The following ANKFN1 variants were observed in gnomAD, a reference collection of about 807,000 sequenced individuals.
ANKFN1 encodes ankyrin repeat and fibronectin type III domain containing 1.
Under a neutral mutation model 108.7 loss-of-function variants are expected in ANKFN1, and 74 were observed. The ratio of observed to expected loss-of-function variants is 0.68; its 90% confidence interval spans 0.56 to 0.83. The LOEUF (loss-of-function observed/expected upper bound fraction) is 0.83, where lower values mean the gene tolerates loss of function less well. ANKFN1 is among the 40% of genes least tolerant of loss of function. The pLI is 0.00. For synonymous variants in ANKFN1, 547 were observed against 516.2 expected, an observed-to-expected ratio of 1.06 and a Z score of -0.81; for missense variants, 1,505 against 1,382.3, an observed-to-expected ratio of 1.09 and a Z score of -1.41.
At chr17:56,376,864 A>T (rs1424811468) in intron 8 of ANKFN1, among the ~76,000 whole-genome samples, 1 of 152,180 alleles carries the variant, frequency 6.6e-6, no homozygotes, top group African/African-American at 2.4e-5. Context: ...TGAGTCCTTA[A>T]CCTGACCGTT....
At chr17:56,454,775 G>T (rs964706033) in intron 11 of ANKFN1, among the ~76,000 whole-genome samples, 8 of 152,180 alleles carry the variant, frequency 5.3e-5, no homozygotes, top group African/African-American at 1.7e-4. Flanking sequence ...ATGTATAAAA[G>T]CTTATGCACA....
chr17:56,068,602 A>T (rs373198113), intron 4 of ANKFN1, among the ~76,000 whole-genome samples: 3 of 152,340 alleles, frequency 2.0e-5, no homozygotes, highest in African/African-American at 7.2e-5. Context: ...TTTAGAGGGC[A>T]AGCAGAAACT....
At chr17:56,468,556 G>A (rs1295492370) in intron 15 of ANKFN1, among the ~76,000 whole-genome samples, 1 of 152,072 alleles carries the variant, frequency 6.6e-6, no homozygotes, top group East Asian at 1.9e-4. Flanking sequence ...CAGAGAGAAG[G>A]AAGGACCCAG....
rs9901542 is a variant in ANKFN1 at position 56,436,430 on chromosome 17, A to G, written c.911-3897A>G. The stretch of plus-strand genomic sequence containing the variant: ...CATTACAAGTTTTGTATAGTTTTAG[A>G]ACCGGCTTATACGTGATTTTCTCAG... On this transcript the variant is annotated intron_variant, in intron 8 of 20. Coordinates refer to ENST00000682825, the MANE Select transcript of ANKFN1 (RefSeq NM_001370326.1). Among the ~76,000 whole-genome samples, 322 of 152,334 alleles carry G rather than the reference A, an allele frequency of 2.1e-3. 1 individual carries two copies. Among genetic ancestry groups the G allele is most frequent in the African/African-American group, 7.4e-3 (307 of 41,590 alleles).
chr17:56,327,197 G>A (rs1175202265), intron 4 of ANKFN1, among the ~76,000 whole-genome samples: 3 of 152,092 alleles, frequency 2.0e-5, no homozygotes, highest in Non-Finnish European at 4.4e-5. Flanking sequence ...ATAAGAGGTA[G>A]GCCAACCTCA....
intron 20 of ANKFN1, among the ~76,000 whole-genome samples, chr17:56,507,362 A>C (rs2051603414): frequency 6.6e-6 from 1 of 152,078 alleles, no homozygotes; most frequent in African/African-American, 2.4e-5. Context: ...CTTCTTTCCT[A>C]ACCCCTTACC....
chr17:56,384,398 A>T (rs1341386603), intron 8 of ANKFN1, among the ~76,000 whole-genome samples: 1 of 152,150 alleles, frequency 6.6e-6, no homozygotes, highest in African/African-American at 2.4e-5. Context: ...AACTGGAAGC[A>T]TTCCCTTTGA....
chr17:56,274,618 G>T (rs568875467), intron 3 of ANKFN1, among the ~76,000 whole-genome samples: 1 of 152,262 alleles, frequency 6.6e-6, no homozygotes, highest in East Asian at 1.9e-4. Context: ...TGAAACACGG[G>T]CTCCCATCTG....
chr17:56,466,480 G>A lies in ANKFN1; in HGVS notation c.1682G>A (p.Trp561Ter), dbSNP rs1280909385. 1.2e-6 allele frequency: 2 copies of A among 1,614,096 alleles called. No individual in the cohort carries two copies. Among genetic ancestry groups the A allele is most frequent in the Admixed American group, 3.3e-5 (2 of 60,022 alleles). ...EMLYSFFNGK[W>*]MQISKLQSQR... ...CTTTATTCATTTTTTAATGGCAAAT[G>A]GATGCAGATCTCAAAGCTGCAAAGC... Residue 561 changes from tryptophan (W) to a stop codon, truncating the protein, a stop_gained, in exon 15 of 21, where the codon TGG becomes TAG. Coordinates refer to ENST00000682825, the MANE Select transcript of ANKFN1 (RefSeq NM_001370326.1). LOFTEE classifies it high-confidence loss of function.
intron 10 of ANKFN1, among the ~76,000 whole-genome samples, chr17:56,444,082 A>G (rs1053882938): frequency 1.3e-5 from 2 of 152,242 alleles, no homozygotes; most frequent in African/African-American, 4.8e-5. Flanking sequence ...TGCACTCATA[A>G]AATGAAGCGT....
At chr17:56,352,794 C>T (rs12449568) in intron 5 of ANKFN1, among the ~76,000 whole-genome samples, 66,337 of 151,944 alleles carry the variant, frequency 0.44, 15,994 homozygotes, top group East Asian at 0.55. Context: ...CAGGAGCTAG[C>T]AGATATTTGG....
At chr17:56,391,212 CATATAT>C (rs202114506) in intron 8 of ANKFN1, among the ~76,000 whole-genome samples, 57 of 121,408 alleles carry the variant, frequency 4.7e-4, no homozygotes, top group African/African-American at 2.0e-3. Context: ...CCCAAGAATA[CATATAT>C]ATATATATAT....
At chr17:56,381,556 T>A (rs1304977838) in intron 8 of ANKFN1, among the ~76,000 whole-genome samples, 1 of 152,054 alleles carries the variant, frequency 6.6e-6, no homozygotes, top group Admixed American at 6.6e-5. Flanking sequence ...TAGATGAATG[T>A]ATAACTAGAA....
At chr17:56,161,197 T>C (rs1177905491) in intron 1 of ANKFN1, among the ~76,000 whole-genome samples, 3 of 152,232 alleles carry the variant, frequency 2.0e-5, no homozygotes, top group Admixed American at 6.5e-5. Flanking sequence ...AGATTATGCA[T>C]TAAATTGCTT....
chr17:56,148,801 C>G (rs886881946), upstream of ANKFN1, among the ~76,000 whole-genome samples: 5 of 152,210 alleles, frequency 3.3e-5, no homozygotes, highest in Admixed American at 2.6e-4. Flanking sequence ...CATGTGCTGA[C>G]AGATGCAAAC....
At chr17:56,119,089 A>C (rs1288568104) in intron 4 of ANKFN1, among the ~76,000 whole-genome samples, 1 of 152,108 alleles carries the variant, frequency 6.6e-6, no homozygotes, top group Non-Finnish European at 1.5e-5. Flanking sequence ...GTGAGACATA[A>C]ACAGTTGGAA....
intron 8 of ANKFN1, among the ~76,000 whole-genome samples, chr17:56,386,954 T>C (rs1213835872): frequency 1.3e-5 from 2 of 152,138 alleles, no homozygotes; most frequent in African/African-American, 4.8e-5. Flanking sequence ...CATTTTCATC[T>C]GGATTACGAT....
Position 56,167,269 on chromosome 17 carries a change from A to G in ANKFN1, c.-71+13739A>G, listed in dbSNP as rs571149672. Among the ~76,000 whole-genome samples the G allele has an allele frequency of 1.1e-3, 39 of 36,136 alleles. No individual in the cohort carries two copies. In the East Asian group the frequency reaches 0.043, roughly 40 times the overall value. 23.7% of individuals were successfully genotyped at this position (36,136 alleles called of 152,430 possible). On this transcript the variant is annotated intron_variant, in intron 1 of 20. Transcript: ENST00000682825. ...TATATATGTATGTGTGTGTATATATATATACATATATATATATACACACAC... is the reference window on the plus strand; with the variant it reads ...TATATATGTATGTGTGTGTATATATGTATACATATATATATATACACACAC...
At chr17:56,227,980 A>G in intron 3 of ANKFN1, 23 bp downstream of exon 3, 1 of 1,598,482 alleles carries the variant, frequency 6.3e-7, no homozygotes, top group Non-Finnish European at 8.5e-7. Flanking sequence ...CCTCCTTGAA[A>G]TGGTATCTAC....
Sources: allele counts gnomAD v4.1 joint callset (sites outside exome capture counted in the v4.1 genomes callset), GRCh38; gene constraint gnomAD v4.1.1; transcripts MANE v1.5; gene names NCBI Gene and HGNC (gene_info 2026-07-23, HGNC 2026-07-21).